IGSF11: variants seen among roughly 807,000 people sequenced by gnomAD.
IGSF11 encodes the protein CXADR like 1.
In IGSF11, 22 loss-of-function variants were observed where a neutral mutation model predicts 41.0. The ratio of observed to expected loss-of-function variants is 0.54; its 90% CI spans 0.38 to 0.77. The LOEUF (loss-of-function observed/expected upper bound fraction) is 0.77. IGSF11 is among the 30% of genes least tolerant of loss of function. The pLI, the probability that IGSF11 is intolerant of heterozygous loss-of-function variation, is 0.00. For synonymous variants in IGSF11, 219 were observed against 201.3 expected (o/e 1.09, Z -0.74); for missense variants, 444 against 530.8 (o/e 0.84, Z 1.61).
At chr3:118,982,279 A>C (rs918894491) in intron 1 of IGSF11, among the ~76,000 whole-genome samples, 1 of 152,168 alleles carries the variant, frequency 6.6e-6, no homozygotes, top group African/African-American at 2.4e-5. Context: ...GAGAGACCAC[A>C]ATACCAAATT....
At chr3:119,004,209 G>A (rs1224025181) in intron 1 of IGSF11, among the ~76,000 whole-genome samples, 13 of 150,366 alleles carry the variant, frequency 8.6e-5, no homozygotes, top group African/African-American at 2.7e-4. Context: ...TATGTGTCGA[G>A]GAATGTATCC....
chr3:118,956,763 G>A (rs1944988448), intron 1 of IGSF11, among the ~76,000 whole-genome samples: 1 of 152,148 alleles, frequency 6.6e-6, no homozygotes, highest in South Asian at 2.1e-4. Context: ...TAATGAGAAA[G>A]TTTGAGATAT....
At chr3:118,961,788 T>C (rs1467805631) in intron 1 of IGSF11, among the ~76,000 whole-genome samples, 18 of 152,222 alleles carry the variant, frequency 1.2e-4, no homozygotes, top group Non-Finnish European at 7.3e-5. Flanking sequence ...CACTATGAAA[T>C]AGCAATTTTA....
intron 1 of IGSF11, among the ~76,000 whole-genome samples, chr3:118,962,906 T>C (rs991975134): frequency 1.3e-5 from 2 of 152,150 alleles, no homozygotes; most frequent in African/African-American, 4.8e-5. Context: ...TCAATTTGTA[T>C]GTGTAAGTCA....
chr3:119,090,683 T>C (rs756187006), intron 1 of IGSF11, among the ~76,000 whole-genome samples: 2 of 152,232 alleles, frequency 1.3e-5, no homozygotes, highest in Non-Finnish European at 2.9e-5. Flanking sequence ...GCTAGCCATA[T>C]GCAGAAGATT....
In IGSF11 at chr3:118,928,544, C is replaced by A; in HGVS notation, c.389G>T (p.Gly130Val). 1 of 1,613,358 alleles carries A rather than the reference C, an allele frequency of 6.2e-7. No individual in the cohort carries two copies. Among genetic ancestry groups the A allele is most frequent in the Non-Finnish European group, 8.5e-7 (1 of 1,179,948 alleles). The part of the protein sequence containing the change: ...CLVNNLPDIG[G>V]RNIGVTGLTV... ...GAGACCGGTGACCCCAATGTTCCTG[C>A]CCCCTATGTCTGGAAGGTTGTTGAC... Residue 130 changes from glycine (G) to valine (V), a missense_variant, in exon 3 of 7, where the codon GGC (glycine) becomes GTC (valine). Coordinates refer to ENST00000393775, the MANE Select transcript of IGSF11 (RefSeq NM_001015887.3).
intron 1 of IGSF11, among the ~76,000 whole-genome samples, chr3:119,061,072 GA>G (rs1215961390): frequency 6.6e-6 from 1 of 151,970 alleles, no homozygotes; most frequent in Non-Finnish European, 1.5e-5. Flanking sequence ...ACACAATAAG[GA>G]AAAAATTAGA....
chr3:118,903,285 A>T (rs1000293612), intron 6 of IGSF11, among the ~76,000 whole-genome samples: 2 of 152,050 alleles, frequency 1.3e-5, no homozygotes, highest in Non-Finnish European at 2.9e-5. Flanking sequence ...AAATATGTTT[A>T]TATATCATAT....
intron 1 of IGSF11, among the ~76,000 whole-genome samples, chr3:119,076,417 T>G (rs1387574515): frequency 1.3e-5 from 2 of 152,188 alleles, no homozygotes; most frequent in Admixed American, 6.5e-5. Context: ...AAATGGGATC[T>G]AATTAAGCTA....
intron 3 of IGSF11, among the ~76,000 whole-genome samples, chr3:118,927,161 T>C (rs766099282): frequency 2.5e-4 from 38 of 152,068 alleles, no homozygotes; most frequent in Non-Finnish European, 4.9e-4. Context: ...TCTTAGAGAA[T>C]CCTAACTACT....
At chr3:119,105,698 T>C (rs1222211174), upstream of IGSF11, among the ~76,000 whole-genome samples, 3 of 152,142 alleles carry the variant, frequency 2.0e-5, no homozygotes, top group Non-Finnish European at 4.4e-5. Context: ...ACACATACCA[T>C]ACATGAAGTC....
At position 119,034,791 on chromosome 3, in the gene IGSF11, G is replaced by C. The variant is rs1225604652; in HGVS notation, c.-209C>G. On this transcript the variant is annotated 5_prime_UTR_variant, in exon 1 of 7. Coordinates refer to ENST00000393775, the MANE Select transcript of IGSF11 (RefSeq NM_001015887.3). ...CGCCCGGCTCCGCGGACGCTGAGCT[G>C]TGACCAGAGGCGTTCCGGGCTCGCC... 3 of 1,273,798 alleles carry C rather than the reference G, an allele frequency of 2.4e-6. No individual in the cohort carries two copies. The African/African-American group carries it at 4.7e-5, about 20-fold the overall frequency. 78.9% of individuals were successfully genotyped at this position (1,273,798 alleles called of 1,614,324 possible). A position where few individuals can be genotyped will look rare whatever the true frequency, so the allele number is the denominator to read the frequency against.
intron 1 of IGSF11, among the ~76,000 whole-genome samples, chr3:118,961,760 C>T (rs1945351623): frequency 6.6e-6 from 1 of 152,154 alleles, no homozygotes; most frequent in Non-Finnish European, 1.5e-5. Context: ...CACTAAAAGT[C>T]AGTTTGCTTC....
intron 1 of IGSF11, among the ~76,000 whole-genome samples, chr3:119,042,644 C>G (rs1326374905): frequency 6.6e-6 from 1 of 152,172 alleles, no homozygotes; most frequent in Non-Finnish European, 1.5e-5. Context: ...AAGCTCAGAC[C>G]TGCCTAACAG....
At chr3:119,074,796 G>A (rs886357326) in intron 1 of IGSF11, among the ~76,000 whole-genome samples, 5 of 152,064 alleles carry the variant, frequency 3.3e-5, no homozygotes, top group African/African-American at 1.2e-4. Context: ...AGCTTGCAGT[G>A]AGCTGAGATC....
chr3:119,080,191 G>A (rs1699744437), intron 1 of IGSF11, among the ~76,000 whole-genome samples: 2 of 152,108 alleles, frequency 1.3e-5, no homozygotes, highest in Non-Finnish European at 2.9e-5. Context: ...CTGCTTAGCT[G>A]AAACCCCTAG....
intron 1 of IGSF11, among the ~76,000 whole-genome samples, chr3:119,052,683 C>T (rs77949335): frequency 0.039 from 5,740 of 148,328 alleles, 170 homozygotes; most frequent in East Asian, 0.093. Context: ...GGAAAGGACA[C>T]AGAAAAAAAA....
chr3:119,105,344 G>C, upstream of IGSF11: 1 of 574,324 alleles, frequency 1.7e-6, no homozygotes, highest in Non-Finnish European at 3.1e-6. Context: ...CAAAATATTA[G>C]GATGGAAACC....
At chr3:118,977,005 T>C (rs981974894) in intron 1 of IGSF11, among the ~76,000 whole-genome samples, 1 of 152,230 alleles carries the variant, frequency 6.6e-6, no homozygotes, top group African/African-American at 2.4e-5. Flanking sequence ...AGCCAGGGCA[T>C]GTTCATTTAT....
Sources: allele counts gnomAD v4.1 joint callset (sites outside exome capture counted in the v4.1 genomes callset), GRCh38; gene constraint gnomAD v4.1.1; transcripts MANE v1.5; gene names NCBI Gene and HGNC (gene_info 2026-07-23, HGNC 2026-07-21).